NUP93: variants seen among roughly 807,000 people sequenced by gnomAD.
NUP93 encodes nuclear pore complex protein Nup93.
In NUP93, 55 loss-of-function variants were observed where a neutral mutation model predicts 107.8. The observed-to-expected ratio is 0.51, with a 90% confidence interval of 0.41 to 0.64. The LOEUF (loss-of-function observed/expected upper bound fraction) is 0.64, where lower values mean the gene tolerates loss of function less well. NUP93 is among the 30% of genes least tolerant of loss of function. The pLI, the probability that NUP93 is intolerant of heterozygous loss-of-function variation, is 0.00. For missense variants in NUP93, 937 were observed against 1,044.7 expected, an observed-to-expected ratio of 0.90 and a Z score of 1.42; for synonymous variants, 390 against 397.5, an observed-to-expected ratio of 0.98 and a Z score of 0.22.
At chr16:56,758,978 T>C (rs374627677) in intron 3 of NUP93, among the ~76,000 whole-genome samples, 1 of 152,250 alleles carries the variant, frequency 6.6e-6, no homozygotes, top group Admixed American at 6.5e-5. Context: ...TCTTTCGCTT[T>C]CTTTGCTAGA....
At chr16:56,799,803 T>C (rs1233688620) in intron 4 of NUP93, among the ~76,000 whole-genome samples, 2 of 152,322 alleles carry the variant, frequency 1.3e-5, no homozygotes, top group African/African-American at 2.4e-5. Context: ...TGAGGTGAAA[T>C]AGGGCAGCAG....
chr16:56,769,925 T>A (rs1962289343), intron 3 of NUP93, among the ~76,000 whole-genome samples: 1 of 152,216 alleles, frequency 6.6e-6, no homozygotes, highest in Non-Finnish European at 1.5e-5. Context: ...TTTGTCTGTC[T>A]AAGGGTATTA....
At chr16:56,737,063 T>C (rs149154479) in intron 1 of NUP93, among the ~76,000 whole-genome samples, 2 of 152,372 alleles carry the variant, frequency 1.3e-5, no homozygotes, top group East Asian at 1.9e-4. Flanking sequence ...TATTCACTTA[T>C]GTGACCACTG....
At chr16:56,765,499 G>A (rs1962201294) in intron 3 of NUP93, among the ~76,000 whole-genome samples, 1 of 152,184 alleles carries the variant, frequency 6.6e-6, no homozygotes, top group Admixed American at 6.5e-5. Flanking sequence ...CAGATCCAAA[G>A]TCTGTTAGTT....
At chr16:56,832,106 T>A in intron 11 of NUP93, 99 bp downstream of exon 11, 1 of 1,445,822 alleles carries the variant, frequency 6.9e-7, no homozygotes, top group Non-Finnish European at 9.6e-7. Context: ...GCCAATACAG[T>A]GATCAGGACC....
At position 56,813,510 on chromosome 16, in the gene NUP93, TCTG is replaced by T. The variant is rs1342664843; in HGVS notation, c.490-5148_490-5146del. On this transcript the variant is annotated intron_variant, in intron 5 of 21. Coordinates refer to ENST00000308159, the MANE Select transcript of NUP93 (RefSeq NM_014669.5). ...GTAGGAGTTCAGGTATAGAAAGTGC[TCTG>T]CTGCTCTTTCAAAAAGATTTTTTAA... Among the ~76,000 whole-genome samples, 3 of 152,308 alleles carry T rather than the reference TCTG, an allele frequency of 2.0e-5. No homozygotes were observed. In the East Asian group the frequency reaches 5.8e-4, roughly 29 times the overall value.
At chr16:56,787,097 T>C (rs1296279186) in intron 3 of NUP93, among the ~76,000 whole-genome samples, 2 of 152,224 alleles carry the variant, frequency 1.3e-5, no homozygotes, top group Admixed American at 6.5e-5. Flanking sequence ...AAATCACCAA[T>C]ACTGTTAACA....
intron 4 of NUP93, among the ~76,000 whole-genome samples, chr16:56,804,718 G>A (rs1180693995): frequency 2.0e-5 from 3 of 152,054 alleles, no homozygotes; most frequent in African/African-American, 7.2e-5. Flanking sequence ...AGACCAGCCT[G>A]GCCAACATGG....
At chr16:56,772,739 C>G (rs1014485266) in intron 3 of NUP93, among the ~76,000 whole-genome samples, 1 of 152,262 alleles carries the variant, frequency 6.6e-6, no homozygotes, top group African/African-American at 2.4e-5. Flanking sequence ...TGCTCATGTT[C>G]TGCTCTTGTA....
At chr16:56,793,574 G>GT (rs1962816852) in intron 3 of NUP93, among the ~76,000 whole-genome samples, 1 of 152,100 alleles carries the variant, frequency 6.6e-6, no homozygotes. Context: ...CATGAGAGGC[G>GT]TATCACAGGA....
intron 11 of NUP93, 90 bp from the exon 12 acceptor site, chr16:56,832,205 A>G (rs1426899451): frequency 7.8e-7 from 1 of 1,282,866 alleles, no homozygotes; most frequent in African/African-American, 1.5e-5. Flanking sequence ...AGCTGACATC[A>G]TTGAGCATGG....
chr16:56,813,805 A>G (rs1306745538), intron 5 of NUP93, among the ~76,000 whole-genome samples: 1 of 152,228 alleles, frequency 6.6e-6, no homozygotes, highest in African/African-American at 2.4e-5. Flanking sequence ...TCCTAGGTTA[A>G]TACACATAGG....
intron 3 of NUP93, among the ~76,000 whole-genome samples, chr16:56,763,141 C>T (rs536750457): frequency 1.3e-5 from 2 of 152,148 alleles, no homozygotes; most frequent in African/African-American, 4.8e-5. Flanking sequence ...AATGAAACAT[C>T]TTCAAATCTA....
chr16:56,831,120 A>G (rs920517585), intron 10 of NUP93, among the ~76,000 whole-genome samples: 3 of 152,252 alleles, frequency 2.0e-5, no homozygotes, highest in African/African-American at 7.2e-5. Context: ...AGTTAGTAAA[A>G]TTGAAATATA....
chr16:56,741,085 A>G (rs544372931), intron 1 of NUP93, among the ~76,000 whole-genome samples: 42 of 152,246 alleles, frequency 2.8e-4, no homozygotes, highest in African/African-American at 9.9e-4. Flanking sequence ...CTGGATTTAT[A>G]ATAAAAAGCA....
At chr16:56,768,520 G>T (rs1189944492) in intron 3 of NUP93, among the ~76,000 whole-genome samples, 1 of 149,418 alleles carries the variant, frequency 6.7e-6, no homozygotes, top group East Asian at 2.0e-4. Context: ...CCAAGATCAC[G>T]CCATTGCACT....
chr16:56,812,863 T>C (rs1963345999), intron 5 of NUP93, among the ~76,000 whole-genome samples: 1 of 152,236 alleles, frequency 6.6e-6, no homozygotes, highest in Admixed American at 6.5e-5. Flanking sequence ...GTCGCAGTTT[T>C]TGCATCTGCT....
intron 6 of NUP93, among the ~76,000 whole-genome samples, chr16:56,819,464 A>G (rs1165548029): frequency 6.6e-6 from 1 of 152,192 alleles, no homozygotes; most frequent in Non-Finnish European, 1.5e-5. Flanking sequence ...TCCCCTTAAG[A>G]TTATCCTCCA....
intron 7 of NUP93, among the ~76,000 whole-genome samples, chr16:56,822,542 T>A (rs1351200913): frequency 1.4e-5 from 2 of 138,768 alleles, no homozygotes; most frequent in Non-Finnish European, 3.0e-5. Flanking sequence ...TAACTTTTTC[T>A]TTTCTTTCTT....
Sources: gnomAD v4.1 joint callset for allele counts (sites outside exome capture counted in the v4.1 genomes callset) on GRCh38, gnomAD v4.1.1 for gene constraint, MANE v1.5 for transcripts, NCBI Gene and HGNC (gene_info 2026-07-23, HGNC 2026-07-21) for gene names.